The following EFCAB3 variants were observed in gnomAD, a reference collection of about 807,000 sequenced individuals.
EFCAB3 encodes EF-hand calcium binding domain 3.
A neutral mutation model predicts 42.2 loss-of-function variants in EFCAB3; 36 were observed. The observed-to-expected ratio is 0.85, with a 90% confidence interval of 0.65 to 1.13. The LOEUF is 1.13. Ranked by LOEUF, EFCAB3 falls within the 50% of genes most tolerant of loss-of-function variation. EFCAB3 has a pLI of 0.00. For missense variants in EFCAB3, 418 were observed against 505.1 expected (o/e 0.83, Z 1.65); for synonymous variants, 170 against 172.8 (o/e 0.98, Z 0.13).
At chr17:62,407,998 A>G (rs1217057569) in intron 8 of EFCAB3, among the ~76,000 whole-genome samples, 1 of 152,186 alleles carries the variant, frequency 6.6e-6, no homozygotes, top group Non-Finnish European at 1.5e-5. Context: ...TTCAGACTTT[A>G]TCTTTCACCA....
chr17:62,396,207 G>A (rs1436786051), intron 6 of EFCAB3, among the ~76,000 whole-genome samples: 2 of 152,108 alleles, frequency 1.3e-5, no homozygotes, highest in African/African-American at 4.8e-5. Flanking sequence ...ATAAATGTTA[G>A]CTATTATTAT....
intron 6 of EFCAB3, among the ~76,000 whole-genome samples, chr17:62,404,884 T>C (rs972834578): frequency 7.2e-5 from 11 of 152,144 alleles, no homozygotes; most frequent in African/African-American, 2.7e-4. Context: ...AAACAATTAG[T>C]TATAAAATAT....
At chr17:62,399,416 C>T (rs536865550) in intron 6 of EFCAB3, among the ~76,000 whole-genome samples, 1 of 152,186 alleles carries the variant, frequency 6.6e-6, no homozygotes, top group South Asian at 2.1e-4. Context: ...GATCTGCTCA[C>T]CTCAGCCTCC....
chr17:62,392,132 T>TAC (rs1302950949), intron 4 of EFCAB3, among the ~76,000 whole-genome samples, 167 bp downstream of exon 4: 13 of 149,094 alleles, frequency 8.7e-5, no homozygotes, highest in Admixed American at 3.4e-4. Flanking sequence ...AATATATATA[T>TAC]ACACAAATAT....
chr17:62,374,321 C>T (rs1250177891), intron 2 of EFCAB3, among the ~76,000 whole-genome samples: 15 of 151,920 alleles, frequency 9.9e-5, no homozygotes, highest in African/African-American at 3.4e-4. Context: ...ATTAACTGGG[C>T]GTCATGGTGC....
chr17:62,401,310 A>G (rs1231931198), intron 6 of EFCAB3, among the ~76,000 whole-genome samples: 3 of 152,088 alleles, frequency 2.0e-5, no homozygotes, highest in African/African-American at 7.2e-5. Context: ...CCATTTCTTA[A>G]TTTTGGCTTT....
At chr17:62,373,376 G>C (rs887519564) in intron 1 of EFCAB3, among the ~76,000 whole-genome samples, 2 of 151,976 alleles carry the variant, frequency 1.3e-5, no homozygotes, top group Admixed American at 1.3e-4. Flanking sequence ...ACTTTGGGAG[G>C]CCAAGGCGTG....
chr17:62,407,518 C>G (rs1446615551), intron 8 of EFCAB3, among the ~76,000 whole-genome samples: 2 of 152,118 alleles, frequency 1.3e-5, no homozygotes, highest in Non-Finnish European at 2.9e-5. Context: ...AAGCTGCACT[C>G]TGGACACGCT....
chr17:62,393,263 G>A (rs74593394), intron 4 of EFCAB3, among the ~76,000 whole-genome samples: 6,603 of 152,254 alleles, frequency 0.043, 503 homozygotes, highest in African/African-American at 0.15. Context: ...TATAGCATGG[G>A]AAGACAGGAC....
chr17:62,399,520 C>G (rs983267288), intron 6 of EFCAB3, among the ~76,000 whole-genome samples: 1 of 152,154 alleles, frequency 6.6e-6, no homozygotes, highest in Non-Finnish European at 1.5e-5. Context: ...CTGCATTCCC[C>G]TTTGACCTCT....
intron 3 of EFCAB3, among the ~76,000 whole-genome samples, chr17:62,389,395 T>C (rs2070283379): frequency 6.6e-6 from 1 of 152,190 alleles, no homozygotes; most frequent in African/African-American, 2.4e-5. Context: ...TGACCAGCCC[T>C]GAGAGGGGCA....
At chr17:62,385,057 A>G (rs79511458) in intron 2 of EFCAB3, among the ~76,000 whole-genome samples, 3,495 of 152,290 alleles carry the variant, frequency 0.023, 140 homozygotes, top group African/African-American at 0.079. Flanking sequence ...TCAACTTATG[A>G]TGGGTTTATA....
Position 62,387,426 on chromosome 17 carries a change from A to G in EFCAB3, c.151+10A>G, listed in dbSNP as rs755123485. 1 of 1,607,162 alleles carries G rather than the reference A, an allele frequency of 6.2e-7. No individual in the cohort carries two copies. The highest frequency in any genetic ancestry group is 1.7e-5 in the Admixed American group (1 of 59,862). On this transcript the variant is annotated intron_variant, in intron 3 of 9. Coordinates refer to ENST00000305286, the MANE Select transcript of EFCAB3 (RefSeq NM_173503.4). ...GCTTCACAAATGGCAGGTAATGAGA[A>G]TCATCCTCAAAATTGAAGCATAACA...
Position 62,416,082 on chromosome 17 carries a change from TC to T in EFCAB3, c.1072del (p.Arg358GlufsTer4). 1 of 1,614,022 alleles carries T rather than the reference TC, an allele frequency of 6.2e-7. No homozygotes were observed. The highest frequency in any genetic ancestry group is 1.1e-5 in the South Asian group (1 of 91,076). On this transcript the variant is annotated frameshift_variant, in exon 10 of 10. Coordinates refer to ENST00000305286, the MANE Select transcript of EFCAB3 (RefSeq NM_173503.4). LOFTEE classifies it high-confidence loss of function. Reference sequence around the variant, plus strand: ...GAGATGCTAAACCTCTGGCAGAAGATCCGAGGGGATTTGATTGGGATGGACT... The same window carrying T: ...GAGATGCTAAACCTCTGGCAGAAGATCGAGGGGATTTGATTGGGATGGACT... ...RKEMLNLWQK[I>X]RGDLIGMDSR...
intron 4 of EFCAB3, among the ~76,000 whole-genome samples, chr17:62,392,500 A>G (rs1352309737): frequency 6.6e-6 from 1 of 152,178 alleles, no homozygotes; most frequent in Non-Finnish European, 1.5e-5. Flanking sequence ...TAATAATGAC[A>G]TGTTACCAAG....
intron 1 of EFCAB3, chr17:62,373,775 A>G (rs1225928430): frequency 2.5e-6 from 3 of 1,217,660 alleles, no homozygotes; most frequent in East Asian, 2.6e-5. Context: ...ATGAATTTTT[A>G]TGTGACTGCC....
chr17:62,381,237 G>A (rs1315221741), intron 1 of EFCAB3, among the ~76,000 whole-genome samples: 1 of 147,274 alleles, frequency 6.8e-6, no homozygotes, highest in Non-Finnish European at 1.5e-5. Flanking sequence ...CTATGAGTGA[G>A]AACACGCGGT....
chr17:62,375,032 C>T (rs547460279), intron 2 of EFCAB3, among the ~76,000 whole-genome samples: 42 of 152,170 alleles, frequency 2.8e-4, no homozygotes, highest in African/African-American at 9.4e-4. Flanking sequence ...GAGAATTGCT[C>T]GAGCCCAGGA....
At chr17:62,372,869 A>T (rs1372054416) in intron 1 of EFCAB3, among the ~76,000 whole-genome samples, 1 of 152,182 alleles carries the variant, frequency 6.6e-6, no homozygotes, top group Non-Finnish European at 1.5e-5. Flanking sequence ...CCAACATGTC[A>T]TGCTCCAAAC....
Sources: gnomAD v4.1 joint callset for allele counts (sites outside exome capture counted in the v4.1 genomes callset) on GRCh38, gnomAD v4.1.1 for gene constraint, MANE v1.5 for transcripts, NCBI Gene and HGNC (gene_info 2026-07-23, HGNC 2026-07-21) for gene names.